The following MCC variants were observed in gnomAD, a reference collection of about 807,000 sequenced individuals.
MCC encodes colorectal mutant cancer protein.
In MCC, 90 loss-of-function variants were observed where a neutral mutation model predicts 116.2. That is an observed-to-expected ratio of 0.77 (90% CI 0.65 to 0.92). The LOEUF (loss-of-function observed/expected upper bound fraction) is 0.92, where lower values mean the gene tolerates loss of function less well. Among genes scored for constraint, MCC ranks in the 40% least tolerant of loss-of-function variants. The pLI, the probability that MCC is intolerant of heterozygous loss-of-function variation, is 0.00. For synonymous variants in MCC, 578 were observed against 510.5 expected, an observed-to-expected ratio of 1.13 and a Z score of -1.78; for missense variants, 1,516 against 1,312.2, an observed-to-expected ratio of 1.16 and a Z score of -2.40.
At chr5:113,468,192 G>A (rs1250643494) in intron 1 of MCC, among the ~76,000 whole-genome samples, 5 of 152,136 alleles carry the variant, frequency 3.3e-5, no homozygotes, top group African/African-American at 1.2e-4. Flanking sequence ...CTGCCTGACT[G>A]CCCTGGCCAG....
At chr5:113,341,481 G>A (rs1462695886) in intron 2 of MCC, among the ~76,000 whole-genome samples, 2 of 152,120 alleles carry the variant, frequency 1.3e-5, no homozygotes, top group African/African-American at 2.4e-5. Flanking sequence ...CACTGCAACC[G>A]ACAGTATCAT....
intron 3 of MCC, among the ~76,000 whole-genome samples, chr5:113,190,990 G>A (rs1762126254): frequency 6.6e-6 from 1 of 152,200 alleles, no homozygotes; most frequent in Non-Finnish European, 1.5e-5. Context: ...AAGCAGGCAT[G>A]ACCCTGATAG....
At chr5:113,161,192 C>G (rs572985408) in intron 3 of MCC, among the ~76,000 whole-genome samples, 3 of 152,278 alleles carry the variant, frequency 2.0e-5, no homozygotes, top group African/African-American at 4.8e-5. Context: ...AGACACTGCA[C>G]TAAGCTGGCT....
chr5:113,080,322 T>C (rs1314520126), intron 11 of MCC, among the ~76,000 whole-genome samples: 4 of 152,252 alleles, frequency 2.6e-5, no homozygotes, highest in Non-Finnish European at 5.9e-5. Flanking sequence ...TAAAGGATTA[T>C]AAATTATGCT....
Position 113,056,462 on chromosome 5 carries a change from C to G in MCC, c.2214-2503G>C, listed in dbSNP as rs533386921. Among the ~76,000 whole-genome samples, 14 of 152,278 alleles carry G rather than the reference C, an allele frequency of 9.2e-5. No individual in the cohort carries two copies. In the South Asian group the frequency reaches 2.9e-3, roughly 32 times the overall value. On this transcript the variant is annotated intron_variant, in intron 14 of 18. Coordinates refer to ENST00000408903, the MANE Select transcript of MCC (RefSeq NM_001085377.2). ...GCGGGAGGCCATTATCCTTAGCAAA[C>G]TAATGTGGGAACAGAAAACCAAATA...
intron 2 of MCC, among the ~76,000 whole-genome samples, chr5:113,372,072 G>A (rs887347000): frequency 3.9e-5 from 6 of 152,116 alleles, no homozygotes; most frequent in African/African-American, 1.4e-4. Flanking sequence ...AAATCATGCC[G>A]GAGAGAGAAA....
Position 113,434,008 on chromosome 5 carries a change from C to A in MCC, c.171-48796G>T. ...TTGTTGATGGCCACAGAGGGAGATC[C>A]CCGTGCCTTGGGCTGCATCCAGCAG... On this transcript the variant is annotated intron_variant, in intron 1 of 18. Transcript: ENST00000408903. This position sits in a 1 kb window ranked among gnomAD's most constrained non-coding sequence, Gnocchi z 4.2. 2 of 1,614,006 alleles carry A rather than the reference C, an allele frequency of 1.2e-6. No homozygotes were observed. The highest frequency in any genetic ancestry group is 2.2e-5 in the South Asian group (2 of 91,076).
chr5:113,052,795 G>A (rs1752570465), intron 15 of MCC, among the ~76,000 whole-genome samples: 1 of 152,116 alleles, frequency 6.6e-6, no homozygotes, highest in Non-Finnish European at 1.5e-5. Flanking sequence ...CTCCCCGGAG[G>A]TCAGGTGGCT....
chr5:113,143,358 G>A lies in MCC; in HGVS notation c.744C>T (p.Cys248=), dbSNP rs373675370. The part of the protein sequence containing the change: ...LLEKKLAKAQ[C]EQSHLMREHE... ...GCTCTCTCATGAGGTGGGACTGCTC[G>A]CACTGGGAATAAGGGAAAAGGACAG... The change falls in exon 5 of 19, where the codon TGC becomes TGT. Residue 248 remains cysteine (C), a splice_region_variant and synonymous_variant. Transcript: ENST00000408903. The A allele has an allele frequency of 3.9e-5, 63 of 1,613,398 alleles. No homozygotes were observed. In the East Asian group the frequency reaches 5.8e-4, roughly 15 times the overall value.
intron 3 of MCC, among the ~76,000 whole-genome samples, chr5:113,280,427 C>T (rs73246648): frequency 6.6e-6 from 1 of 152,024 alleles, no homozygotes; most frequent in African/African-American, 2.4e-5. Flanking sequence ...TGTTCTGATA[C>T]GAAAGCATTT....
rs531730841 is a variant in MCC at position 113,455,597 on chromosome 5, T to C, written c.170+32648A>G. Among the ~76,000 whole-genome samples, 16 of 152,290 alleles carry C rather than the reference T, an allele frequency of 1.1e-4. No homozygotes were observed. In the South Asian group the frequency reaches 3.1e-3, roughly 30 times the overall value. ...CTTTTCCAAATCTCTTGGGGATATATATGTTTAGGATTTCAGAAATTTGTG... is the reference window on the plus strand; with the variant it reads ...CTTTTCCAAATCTCTTGGGGATATACATGTTTAGGATTTCAGAAATTTGTG... On this transcript the variant is annotated intron_variant, in intron 1 of 18. Transcript: ENST00000408903.
chr5:113,310,437 G>C (rs114519890), intron 3 of MCC, among the ~76,000 whole-genome samples: 2 of 152,198 alleles, frequency 1.3e-5, no homozygotes, highest in African/African-American at 4.8e-5. Flanking sequence ...ATAAAGTTCT[G>C]TTCTTTAAAA....
At chr5:113,092,622 G>C (rs1397103100) in intron 8 of MCC, among the ~76,000 whole-genome samples, 2 of 152,150 alleles carry the variant, frequency 1.3e-5, no homozygotes, top group Non-Finnish European at 2.9e-5. Flanking sequence ...TTTGCTGAAA[G>C]AATTTCCTAA....
chr5:113,174,613 C>CT lies in MCC; in HGVS notation c.628-23192dup, dbSNP rs530345977. Among the ~76,000 whole-genome samples the CT allele has an allele frequency of 3.8e-3, 546 of 144,390 alleles. 2 individuals are homozygous for CT. The highest frequency in any genetic ancestry group is 0.028 in the Middle Eastern group (8 of 284). The allele number at this position is 144,390 out of a possible 152,430, so 94.7% of individuals were successfully genotyped here. On this transcript the variant is annotated intron_variant, in intron 3 of 18. Transcript: ENST00000408903. ...TTAAAAAATATTTTTTTTCTTAAGACTTTTTTTTTTTTTGAGGGTGTTTCT... is the reference window on the plus strand; with the variant it reads ...TTAAAAAATATTTTTTTTCTTAAGACTTTTTTTTTTTTTTGAGGGTGTTTCT...
chr5:113,390,578 T>C (rs1380387060), intron 1 of MCC, among the ~76,000 whole-genome samples: 1 of 152,218 alleles, frequency 6.6e-6, no homozygotes, highest in African/African-American at 2.4e-5. Context: ...CTTTAACTTA[T>C]AAAGAAATTG....
intron 3 of MCC, among the ~76,000 whole-genome samples, chr5:113,179,684 G>A (rs1581210265): frequency 2.6e-5 from 4 of 152,128 alleles, no homozygotes; most frequent in South Asian, 4.2e-4. Context: ...GAATGCAGTT[G>A]AATTTTTCAA....
chr5:113,296,346 A>G (rs1028966838), intron 3 of MCC, among the ~76,000 whole-genome samples: 7 of 152,242 alleles, frequency 4.6e-5, no homozygotes, highest in African/African-American at 1.4e-4. Context: ...AATTCTAGAT[A>G]GAAAATGATA....
At chr5:113,067,620 G>A (rs920676061) in intron 13 of MCC, among the ~76,000 whole-genome samples, 1 of 152,150 alleles carries the variant, frequency 6.6e-6, no homozygotes, top group South Asian at 2.1e-4. Context: ...TGGGCAACAA[G>A]AGCAAAACTC....
Position 113,254,442 on chromosome 5 carries a change from A to C in MCC, c.627+86077T>G, listed in dbSNP as rs574179904. On this transcript the variant is annotated intron_variant, in intron 3 of 18. Transcript: ENST00000408903. ...AGCAGTTAGTTCATAACGCATTCAA[A>C]AAGTTTGTATAATCAAGAAAATAAA... Among the ~76,000 whole-genome samples, 223 of 152,366 alleles carry C rather than the reference A, an allele frequency of 1.5e-3. 1 individual carries two copies. Among genetic ancestry groups the C allele is most frequent in the Non-Finnish European group, 2.5e-3 (167 of 68,030 alleles).
Sources: allele counts gnomAD v4.1 joint callset (sites outside exome capture counted in the v4.1 genomes callset), GRCh38; gene constraint gnomAD v4.1.1; non-coding constraint Gnocchi (gnomAD v3.1); transcripts MANE v1.5; gene names NCBI Gene and HGNC (gene_info 2026-07-23, HGNC 2026-07-21).